GUCY1A2: variants seen among roughly 807,000 people sequenced by gnomAD.
GUCY1A2 encodes guanylate cyclase soluble subunit alpha-2.
Under a neutral mutation model 63.5 loss-of-function variants are expected in GUCY1A2, and 27 were observed. The observed-to-expected ratio is 0.43, with a 90% CI of 0.31 to 0.59. GUCY1A2 has a LOEUF of 0.59. GUCY1A2 is among the 20% of genes least tolerant of loss of function. The probability of loss-of-function intolerance (pLI) is 0.11; values close to 1 mark genes in which losing one functional copy is unlikely to be tolerated. For synonymous variants in GUCY1A2, 364 were observed against 343.5 expected (o/e 1.06, Z -0.66); for missense variants, 768 against 913.3 (o/e 0.84, Z 2.05).
intron 4 of GUCY1A2, among the ~76,000 whole-genome samples, chr11:106,886,627 T>C (rs1472062547): frequency 6.6e-6 from 1 of 152,158 alleles, no homozygotes; most frequent in Non-Finnish European, 1.5e-5. Context: ...ATTTATACTA[T>C]ATGAAATATA....
chr11:106,883,741 TG>T (rs1249821669), intron 4 of GUCY1A2, among the ~76,000 whole-genome samples: 2 of 152,096 alleles, frequency 1.3e-5, no homozygotes, highest in African/African-American at 4.8e-5. Flanking sequence ...GAATGCCCAC[TG>T]GGGTAGAAAA....
intron 1 of GUCY1A2, among the ~76,000 whole-genome samples, chr11:107,003,443 T>G (rs962479062): frequency 5.9e-5 from 9 of 152,180 alleles, no homozygotes; most frequent in Non-Finnish European, 1.2e-4. Flanking sequence ...TTCCCCCTAA[T>G]TCTCCGTTGT....
chr11:106,757,129 T>C (rs903179623), intron 6 of GUCY1A2, among the ~76,000 whole-genome samples: 1 of 152,166 alleles, frequency 6.6e-6, no homozygotes, highest in Admixed American at 6.6e-5. Context: ...TTTCTTCTGT[T>C]TGATAGATTT....
intron 3 of GUCY1A2, among the ~76,000 whole-genome samples, chr11:106,956,019 G>A (rs1395352940): frequency 6.6e-6 from 1 of 151,476 alleles, no homozygotes; most frequent in African/African-American, 2.4e-5. Flanking sequence ...TTGTCTGCAT[G>A]TCTTATTTCA....
chr11:106,979,056 A>G lies in GUCY1A2; in HGVS notation c.366-316T>C, dbSNP rs113427421. ...TCATCAAGGCTAGTGATCTGTTTCT[A>G]TAAGGAAGCTGCCTAGAAAAGGAAA... On this transcript the variant is annotated intron_variant, in intron 2 of 7. Coordinates refer to ENST00000526355, the MANE Select transcript of GUCY1A2 (RefSeq NM_000855.3). 3.4e-3 allele frequency among the ~76,000 whole-genome samples: 511 copies of G among 152,354 alleles called. 3 individuals carry two copies. The highest frequency in any genetic ancestry group is 0.012 in the African/African-American group (490 of 41,586).
At position 106,680,515 on chromosome 11, in the gene GUCY1A2, G is replaced by T. The variant is rs1046581644; in HGVS notation, c.*7034C>A. 1 of 197,746 alleles carries T rather than the reference G, an allele frequency of 5.1e-6. No individual in the cohort carries two copies. The highest frequency in any genetic ancestry group is 1.0e-5 in the Non-Finnish European group (1 of 95,708). 12.2% of individuals were successfully genotyped at this position (197,746 alleles called of 1,614,324 possible). On this transcript the variant is annotated 3_prime_UTR_variant, in exon 8 of 8. Coordinates refer to ENST00000526355, the MANE Select transcript of GUCY1A2 (RefSeq NM_000855.3). ...CAACAATACTTAAGTCTAATATAAA[G>T]AATGATCTGATCAGCAACTAGCTGA...
rs143434915 is a variant in GUCY1A2, at chr11:106,739,235, T to C, written c.1837-30569A>G. Reference sequence around the variant, plus strand: ...TAGGAATGCTTGTGATTTTTGCACATTGATTTTGTATCTTGAGATGTTGCT... The same window carrying C: ...TAGGAATGCTTGTGATTTTTGCACACTGATTTTGTATCTTGAGATGTTGCT... On this transcript the variant is annotated intron_variant, in intron 6 of 7. Transcript: ENST00000526355. Among the ~76,000 whole-genome samples the C allele has an allele frequency of 9.2e-5, 14 of 152,314 alleles. No individual in the cohort carries two copies. The East Asian group carries it at 2.7e-3, about 29-fold the overall frequency.
At chr11:106,833,872 T>C (rs1859083905) in intron 4 of GUCY1A2, among the ~76,000 whole-genome samples, 1 of 152,018 alleles carries the variant, frequency 6.6e-6, no homozygotes, top group Admixed American at 6.6e-5. Context: ...AGCTATGCAG[T>C]AGTCTCCGAG....
intron 4 of GUCY1A2, among the ~76,000 whole-genome samples, chr11:106,851,135 C>T (rs1372877057): frequency 6.6e-6 from 1 of 151,588 alleles, no homozygotes; most frequent in Non-Finnish European, 1.5e-5. Context: ...ATTTGTATGT[C>T]TCCCTTTGAG....
chr11:106,712,294 TCACA>T (rs1397980367), intron 6 of GUCY1A2, among the ~76,000 whole-genome samples: 2 of 152,200 alleles, frequency 1.3e-5, no homozygotes, highest in Non-Finnish European at 2.9e-5. Flanking sequence ...TTGTTATTAA[TCACA>T]TTCAACATAT....
At chr11:106,896,313 A>T (rs186628111) in intron 4 of GUCY1A2, among the ~76,000 whole-genome samples, 1 of 152,292 alleles carries the variant, frequency 6.6e-6, no homozygotes, top group East Asian at 1.9e-4. Context: ...GGGGAACTTC[A>T]TCAACTTAAT....
intron 7 of GUCY1A2, among the ~76,000 whole-genome samples, chr11:106,697,132 A>G (rs2135340340): frequency 6.6e-6 from 1 of 152,326 alleles, no homozygotes; most frequent in Non-Finnish European, 1.5e-5. Flanking sequence ...TAGACTTGCA[A>G]ATCTGAAAAA....
At chr11:107,000,600 G>C (rs1285940597) in intron 1 of GUCY1A2, among the ~76,000 whole-genome samples, 1 of 152,150 alleles carries the variant, frequency 6.6e-6, no homozygotes, top group Admixed American at 6.6e-5. Context: ...TCTAATGACA[G>C]GGTCATCTCT....
At position 106,949,311 on chromosome 11, in the gene GUCY1A2, C is replaced by G. The variant is rs185471260; in HGVS notation, c.488-9133G>C. Among the ~76,000 whole-genome samples, 3 of 152,182 alleles carry G rather than the reference C, an allele frequency of 2.0e-5. No homozygotes were observed. The East Asian group carries it at 5.8e-4, about 29-fold the overall frequency. The stretch of plus-strand genomic sequence containing the variant: ...GTCCAGCTTTTACTTACTAGCCCAT[C>G]CTTCCCTCTCTCAGTCCCCCATTTC... On this transcript the variant is annotated intron_variant, in intron 3 of 7. Coordinates refer to ENST00000526355, the MANE Select transcript of GUCY1A2 (RefSeq NM_000855.3).
At chr11:106,817,414 A>G (rs1406756662) in intron 4 of GUCY1A2, among the ~76,000 whole-genome samples, 1 of 146,986 alleles carries the variant, frequency 6.8e-6, no homozygotes, top group Non-Finnish European at 1.5e-5. Context: ...AAGAAAACAT[A>G]GAGGAAAAGC....
intron 4 of GUCY1A2, among the ~76,000 whole-genome samples, chr11:106,895,912 C>G (rs1240416483): frequency 6.6e-6 from 1 of 151,612 alleles, no homozygotes; most frequent in Non-Finnish European, 1.5e-5. Context: ...CCCAGCTACT[C>G]AGGAGGCAGG....
At chr11:106,874,988 A>G (rs990228331) in intron 4 of GUCY1A2, among the ~76,000 whole-genome samples, 1 of 130,266 alleles carries the variant, frequency 7.7e-6, no homozygotes, top group Non-Finnish European at 1.9e-5. Context: ...TGCTAGTGAA[A>G]TAAAGAAATA....
chr11:106,782,012 G>C (rs1864473606), intron 5 of GUCY1A2, among the ~76,000 whole-genome samples: 1 of 152,050 alleles, frequency 6.6e-6, no homozygotes, highest in East Asian at 1.9e-4. Flanking sequence ...TGGATATTTG[G>C]GCACAGATGG....
intron 6 of GUCY1A2, among the ~76,000 whole-genome samples, chr11:106,729,333 T>C (rs1398257301): frequency 6.6e-6 from 1 of 152,152 alleles, no homozygotes. Flanking sequence ...TTTAAGTCTT[T>C]TCAGTGTTCC....
Sources: gnomAD v4.1 joint callset for allele counts (sites outside exome capture counted in the v4.1 genomes callset) on GRCh38, gnomAD v4.1.1 for gene constraint, MANE v1.5 for transcripts, NCBI Gene and HGNC (gene_info 2026-07-23, HGNC 2026-07-21) for gene names.